DIS3L2: variants seen among roughly 807,000 people sequenced by gnomAD.
The protein encoded by DIS3L2 is DIS3-like exonuclease 2.
A neutral mutation model predicts 97.5 loss-of-function variants in DIS3L2; 34 were observed. The observed-to-expected ratio is 0.35, with a 90% CI of 0.27 to 0.46. The LOEUF is 0.46. Ranked by LOEUF, DIS3L2 falls within the 20% of genes least tolerant of loss-of-function variation. The pLI is 1.00. For synonymous variants in DIS3L2, 435 were observed against 445.2 expected (o/e 0.98, Z 0.29); for missense variants, 1,038 against 1,146.0 (o/e 0.91, Z 1.36).
intron 1 of DIS3L2, among the ~76,000 whole-genome samples, chr2:231,992,666 A>G (rs551145583): frequency 1.3e-4 from 20 of 151,872 alleles, no homozygotes; most frequent in African/African-American, 4.6e-4. Context: ...TGTGATATCC[A>G]TCCTGCTAAG....
intron 10 of DIS3L2, among the ~76,000 whole-genome samples, chr2:232,230,324 CCTGG>C (rs1692755034): frequency 1.3e-5 from 2 of 152,230 alleles, no homozygotes; most frequent in Admixed American, 1.3e-4. Flanking sequence ...GGGCCCGCAT[CCTGG>C]CTGCATGAGC....
At chr2:232,263,811 G>T (rs1388795948) in intron 13 of DIS3L2, among the ~76,000 whole-genome samples, 1 of 152,128 alleles carries the variant, frequency 6.6e-6, no homozygotes, top group African/African-American at 2.4e-5. Context: ...TTTAATGGAG[G>T]CAAGAATAGG....
At chr2:232,334,105 G>A in intron 17 of DIS3L2, 118 bp downstream of exon 17, 1 of 1,444,224 alleles carries the variant, frequency 6.9e-7, no homozygotes, top group Non-Finnish European at 9.1e-7. Flanking sequence ...CCAAGGGTCG[G>A]GCGACCCAAG....
chr2:232,201,757 C>T (rs926524574), intron 9 of DIS3L2, among the ~76,000 whole-genome samples: 2 of 152,070 alleles, frequency 1.3e-5, no homozygotes, highest in African/African-American at 4.8e-5. Context: ...GAAAGTATCA[C>T]CATCTCTGTG....
chr2:232,282,346 C>T (rs1694314669), intron 13 of DIS3L2, among the ~76,000 whole-genome samples: 1 of 152,096 alleles, frequency 6.6e-6, no homozygotes, highest in South Asian at 2.1e-4. Flanking sequence ...CCCATCCCAC[C>T]CCTGCTGGTG....
intron 14 of DIS3L2, among the ~76,000 whole-genome samples, chr2:232,314,893 T>G (rs1443568565): frequency 6.6e-6 from 1 of 152,134 alleles, no homozygotes. Context: ...GAATGACCAT[T>G]TTTGTTTTCC....
At chr2:232,081,390 T>C (rs1696389178) in intron 5 of DIS3L2, among the ~76,000 whole-genome samples, 1 of 152,174 alleles carries the variant, frequency 6.6e-6, no homozygotes, top group Admixed American at 6.5e-5. Flanking sequence ...AAACTCCCTC[T>C]CCATCAGCTT....
chr2:231,969,053 C>G (rs1387473246), intron 1 of DIS3L2, among the ~76,000 whole-genome samples: 1 of 152,140 alleles, frequency 6.6e-6, no homozygotes. Context: ...TGCCTATTTC[C>G]TCTTTCACCA....
chr2:232,211,576 AT>A (rs1208355671), intron 10 of DIS3L2, among the ~76,000 whole-genome samples: 4 of 152,202 alleles, frequency 2.6e-5, no homozygotes, highest in African/African-American at 9.7e-5. Flanking sequence ...TGGCACTAAC[AT>A]GGCCTTTGAC....
intron 7 of DIS3L2, among the ~76,000 whole-genome samples, chr2:232,134,118 G>A (rs966899432): frequency 6.6e-6 from 1 of 151,770 alleles, no homozygotes; most frequent in African/African-American, 2.4e-5. Context: ...GTGAACTTGA[G>A]GAGATCAGTA....
chr2:232,329,789 T>TGGGG, intron 14 of DIS3L2, 24 bp from the exon 15 acceptor site: 2 of 368,618 alleles, frequency 5.4e-6, no homozygotes, highest in Non-Finnish European at 1.0e-5. Context: ...CAGCGGTCCC[T>TGGGG]CCCATCCCAC....
intron 1 of DIS3L2, among the ~76,000 whole-genome samples, chr2:232,005,220 G>C (rs573035489): frequency 8.1e-6 from 1 of 123,352 alleles, no homozygotes; most frequent in African/African-American, 3.0e-5. Flanking sequence ...TTCAGACCCT[G>C]TTAGGTTCAG....
At chr2:232,336,332 C>G (rs1299446248) in intron 20 of DIS3L2, 137 bp from the exon 21 acceptor site, 3 of 1,547,804 alleles carry the variant, frequency 1.9e-6, no homozygotes, top group Non-Finnish European at 8.7e-7. Flanking sequence ...GGAGGGGGCC[C>G]CCATTACAGA....
chr2:231,999,005 T>G (rs993449414), intron 1 of DIS3L2, among the ~76,000 whole-genome samples: 22 of 152,208 alleles, frequency 1.4e-4, no homozygotes, highest in African/African-American at 4.8e-4. Context: ...AGCAAGATAT[T>G]CTAGGCCAGG....
At chr2:232,011,698 C>T (rs1465999584) in intron 1 of DIS3L2, among the ~76,000 whole-genome samples, 2 of 150,474 alleles carry the variant, frequency 1.3e-5, no homozygotes, top group African/African-American at 4.9e-5. Context: ...CTCTGTTGCC[C>T]AGGCTGGAGT....
intron 6 of DIS3L2, among the ~76,000 whole-genome samples, chr2:232,107,204 C>T (rs962346495): frequency 2.0e-5 from 3 of 151,900 alleles, no homozygotes; most frequent in African/African-American, 4.8e-5. Flanking sequence ...AACTACAGAA[C>T]GAAGAGCAGA....
At chr2:232,267,520 A>T (rs1182383625) in intron 13 of DIS3L2, among the ~76,000 whole-genome samples, 1 of 152,230 alleles carries the variant, frequency 6.6e-6, no homozygotes. Context: ...GACTTAACAT[A>T]GATGTTTGTT....
chr2:231,965,874 AG>A (rs2106211769), intron 1 of DIS3L2, among the ~76,000 whole-genome samples: 1 of 152,316 alleles, frequency 6.6e-6, no homozygotes, highest in South Asian at 2.1e-4. Flanking sequence ...GCTGGAGTGC[AG>A]TGGTGAGATC....
chr2:232,009,945 ATTC>A (rs1413727554), intron 1 of DIS3L2, among the ~76,000 whole-genome samples: 1 of 152,110 alleles, frequency 6.6e-6, no homozygotes, highest in Non-Finnish European at 1.5e-5. Context: ...TGGGCATGGA[ATTC>A]TTCTCCAAAT....
Sources: gnomAD v4.1 joint callset for allele counts (sites outside exome capture counted in the v4.1 genomes callset) on GRCh38, gnomAD v4.1.1 for gene constraint, MANE v1.5 for transcripts, NCBI Gene and HGNC (gene_info 2026-07-23, HGNC 2026-07-21) for gene names.